Variants in NOL4 observed in about 807,000 individuals in gnomAD.
NOL4 encodes nucleolar protein 4.
In NOL4, 17 loss-of-function variants were observed where a neutral mutation model predicts 75.9. That is an observed-to-expected ratio of 0.22 (90% CI 0.15 to 0.34). The LOEUF (loss-of-function observed/expected upper bound fraction) is 0.34. Among genes scored for constraint, NOL4 ranks in the 10% least tolerant of loss-of-function variants. NOL4 has a pLI of 1.00. For missense variants in NOL4, 614 were observed against 793.5 expected, an observed-to-expected ratio of 0.77 and a Z score of 2.72; for synonymous variants, 292 against 289.9, an observed-to-expected ratio of 1.01 and a Z score of -0.07.
chr18:34,017,432 G>A (rs1279618284), intron 6 of NOL4, among the ~76,000 whole-genome samples: 3 of 152,028 alleles, frequency 2.0e-5, no homozygotes, highest in African/African-American at 7.2e-5. Flanking sequence ...CTCCAGGTAA[G>A]CAACTTAACA....
intron 5 of NOL4, among the ~76,000 whole-genome samples, chr18:34,042,601 T>G (rs1428345225): frequency 6.6e-6 from 1 of 152,020 alleles, no homozygotes; most frequent in African/African-American, 2.4e-5. Context: ...TGACCAGTAA[T>G]TGAAACTGAA....
intron 5 of NOL4, among the ~76,000 whole-genome samples, chr18:34,057,390 T>C (rs1399915236): frequency 2.6e-5 from 4 of 152,334 alleles, no homozygotes; most frequent in Admixed American, 6.5e-5. Context: ...TCTGTTTACA[T>C]TGGGCTCCTA....
chr18:34,142,316 C>A (rs2081204096), intron 1 of NOL4, among the ~76,000 whole-genome samples: 1 of 152,202 alleles, frequency 6.6e-6, no homozygotes, highest in Non-Finnish European at 1.5e-5. Context: ...TTTGACCCAG[C>A]CATCCCATTA....
chr18:34,023,392 C>T (rs746320176), intron 5 of NOL4: 1 of 455,766 alleles, frequency 2.2e-6, no homozygotes, highest in South Asian at 1.5e-5. Context: ...ACTCCTGTAA[C>T]CAATTCATAT....
chr18:34,219,249 T>C (rs1408863307), intron 1 of NOL4, among the ~76,000 whole-genome samples: 1 of 152,264 alleles, frequency 6.6e-6, no homozygotes, highest in African/African-American at 2.4e-5. Flanking sequence ...TTTGTGTCTG[T>C]TCCTACAAAT....
At chr18:34,222,122 C>G in intron 1 of NOL4, 2 of 1,533,362 alleles carry the variant, frequency 1.3e-6, no homozygotes, top group South Asian at 1.2e-5. Flanking sequence ...CTGCGGCTCC[C>G]CAGCCCCACT....
chr18:33,879,021 T>C (rs933724370), intron 10 of NOL4, among the ~76,000 whole-genome samples: 5 of 152,144 alleles, frequency 3.3e-5, no homozygotes, highest in African/African-American at 1.2e-4. Context: ...ATTTTTGGAA[T>C]CACTTGGACG....
chr18:33,999,259 C>G (rs1425074643), intron 6 of NOL4, among the ~76,000 whole-genome samples: 3 of 151,744 alleles, frequency 2.0e-5, no homozygotes, highest in Non-Finnish European at 4.4e-5. Context: ...TCAATCCTCC[C>G]ACCTCTGCCT....
At chr18:34,124,490 A>G (rs996351760) in intron 2 of NOL4, among the ~76,000 whole-genome samples, 1 of 151,704 alleles carries the variant, frequency 6.6e-6, no homozygotes, top group African/African-American at 2.4e-5. Context: ...TTTTTTTGAA[A>G]ATAAAGATTT....
chr18:33,917,800 A>G (rs1452527819), intron 9 of NOL4, among the ~76,000 whole-genome samples: 1 of 152,166 alleles, frequency 6.6e-6, no homozygotes, highest in Non-Finnish European at 1.5e-5. Flanking sequence ...CACTGCATCC[A>G]GCCAGAAGGC....
intron 2 of NOL4, among the ~76,000 whole-genome samples, chr18:34,106,352 A>G (rs1348105086): frequency 6.6e-6 from 1 of 152,076 alleles, no homozygotes; most frequent in African/African-American, 2.4e-5. Flanking sequence ...TCTTAATTTA[A>G]TATTAAAATC....
At chr18:33,958,571 T>G (rs957647614) in intron 6 of NOL4, among the ~76,000 whole-genome samples, 153 bp from the exon 7 acceptor site, 3 of 152,200 alleles carry the variant, frequency 2.0e-5, no homozygotes, top group African/African-American at 7.2e-5. Context: ...TAAAAATTAA[T>G]TCAAATTAAA....
At chr18:34,173,526 G>GTTT (rs1239914832) in intron 1 of NOL4, among the ~76,000 whole-genome samples, 2 of 151,942 alleles carry the variant, frequency 1.3e-5, no homozygotes, top group Non-Finnish European at 2.9e-5. Context: ...TATATAAAAT[G>GTTT]TTTATTTGTT....
intron 9 of NOL4, among the ~76,000 whole-genome samples, chr18:33,895,010 G>A (rs2065314731): frequency 6.6e-6 from 1 of 152,066 alleles, no homozygotes; most frequent in Admixed American, 6.6e-5. Flanking sequence ...TAAATGAAGT[G>A]ATAGATATGT....
At chr18:34,094,301 T>C (rs1027698591) in intron 4 of NOL4, among the ~76,000 whole-genome samples, 2 of 152,192 alleles carry the variant, frequency 1.3e-5, no homozygotes, top group Non-Finnish European at 2.9e-5. Context: ...GATTCTAATA[T>C]AGCCAACTTA....
intron 6 of NOL4, among the ~76,000 whole-genome samples, chr18:34,010,852 C>T (rs1021117723): frequency 5.9e-5 from 9 of 151,798 alleles, no homozygotes; most frequent in Non-Finnish European, 1.3e-4. Context: ...TGTATGTCTT[C>T]ATTTGGGAGA....
chr18:34,180,336 T>G (rs79956942), intron 1 of NOL4, among the ~76,000 whole-genome samples: 5,178 of 151,718 alleles, frequency 0.034, 89 homozygotes, highest in Middle Eastern at 0.048. Flanking sequence ...GCTGATGGAA[T>G]AGATAAAAAT....
At chr18:33,868,651 A>ACT (rs2063546863) in intron 10 of NOL4, among the ~76,000 whole-genome samples, 1 of 106,582 alleles carries the variant, frequency 9.4e-6, no homozygotes, top group African/African-American at 4.6e-5. Context: ...CCTGTATTTC[A>ACT]CACACACACA....
chr18:34,166,220 A>C (rs1182451508), intron 1 of NOL4, among the ~76,000 whole-genome samples: 1 of 152,180 alleles, frequency 6.6e-6, no homozygotes, highest in Non-Finnish European at 1.5e-5. Context: ...TCAGAATATA[A>C]CATTATAGTT....
Sources: gnomAD v4.1 joint callset for allele counts (sites outside exome capture counted in the v4.1 genomes callset) on GRCh38, gnomAD v4.1.1 for gene constraint, MANE v1.5 for transcripts, NCBI Gene and HGNC (gene_info 2026-07-23, HGNC 2026-07-21) for gene names.